FIGNL2: variants seen among roughly 807,000 people sequenced by gnomAD.
The protein encoded by FIGNL2 is fidgetin like 2.
For synonymous variants in FIGNL2, 565 were observed against 484.0 expected (o/e 1.17, Z -2.20); for missense variants, 1,060 against 950.2 (o/e 1.12, Z -1.52).
In FIGNL2 at chr12:51,820,940, C is replaced by T; in HGVS notation, c.1474G>A (p.Glu492Lys). 7.7e-7 allele frequency: 1 copy of T among 1,305,682 alleles called. No homozygotes were observed. The highest frequency in any genetic ancestry group is 9.7e-7 in the Non-Finnish European group (1 of 1,035,326). 80.9% of individuals were successfully genotyped at this position (1,305,682 alleles called of 1,614,324 possible). A position where few individuals can be genotyped will look rare whatever the true frequency, so the allele number is the denominator to read the frequency against. The change falls in exon 2 of 2, where the codon GAG (glutamate) becomes AAG (lysine). Residue 492 changes from glutamate (E) to lysine (K), a missense_variant. Glu to Lys is a moderately conservative substitution (Grantham distance 56). Transcript: ENST00000618634. ...CRPPSVLLIS[E>K]LEALLPARDD... ...CGGGCGGGGAGCAGCGCCTCTAGCT[C>T]GCTGATGAGGAGTACGGAGGGTGGG...
Position 51,842,258 on chromosome 12 carries a change from G to A in FIGNL2, c.-12+6282C>T, listed in dbSNP as rs141388893. ...GTGTGGAAGACGATGGTAAAAGAAT[G>A]GCCAGCCCATGCCGGACACAGTGTG... On this transcript the variant is annotated intron_variant, in intron 1 of 1. Coordinates refer to ENST00000618634, the MANE Select transcript of FIGNL2 (RefSeq NM_001384995.1). Among the ~76,000 whole-genome samples, 235 of 152,326 alleles carry A rather than the reference G, an allele frequency of 1.5e-3. 2 individuals are homozygous for A. The highest frequency in any genetic ancestry group is 5.6e-3 in the African/African-American group (233 of 41,570).
intron 1 of FIGNL2, among the ~76,000 whole-genome samples, chr12:51,826,474 A>C (rs1252515939): frequency 2.1e-5 from 1 of 47,238 alleles, no homozygotes; most frequent in Non-Finnish European, 5.9e-5. Context: ...CTAAAAATAC[A>C]AAAAAAAAAA....
At chr12:51,838,079 G>A (rs752131512) in intron 1 of FIGNL2, 2 of 152,434 alleles carry the variant, frequency 1.3e-5, no homozygotes, top group Non-Finnish European at 2.9e-5. Flanking sequence ...TGTTCATGGA[G>A]GCCGGGGAAA....
chr12:51,846,735 G>A (rs570014970), intron 1 of FIGNL2, among the ~76,000 whole-genome samples: 2 of 151,950 alleles, frequency 1.3e-5, no homozygotes, highest in East Asian at 1.9e-4. Context: ...CGGGGGTGGG[G>A]GCAACAGGAA....
At chr12:51,845,522 T>G in intron 1 of FIGNL2, 1 of 985,322 alleles carries the variant, frequency 1.0e-6, no homozygotes, top group East Asian at 1.1e-4. Flanking sequence ...ACAGGGGCAC[T>G]GGGGCCTGGA....
intron 1 of FIGNL2, among the ~76,000 whole-genome samples, chr12:51,838,507 C>A (rs2138997411): frequency 6.6e-6 from 1 of 152,300 alleles, no homozygotes; most frequent in Non-Finnish European, 1.5e-5. Context: ...CTCTAGCCAG[C>A]CCTTCCCCCT....
Position 51,848,556 on chromosome 12 carries a change from G to A in FIGNL2, c.-28C>T, listed in dbSNP as rs1440644037. ...GCCCCGTACCTCGGCATCACGGCCG[G>A]GTCCTAGGTGAGTGTGCGCGGCCTG... On this transcript the variant is annotated 5_prime_UTR_variant, in exon 1 of 2. Transcript: ENST00000618634. 1 of 983,562 alleles carries A rather than the reference G, an allele frequency of 1.0e-6. No individual in the cohort carries two copies. The highest frequency in any genetic ancestry group is 1.8e-5 in the African/African-American group (1 of 56,834). The allele number at this position is 983,562 out of a possible 1,614,324, so 60.9% of individuals were successfully genotyped here. A position where few individuals can be genotyped will look rare whatever the true frequency, so the allele number is the denominator to read the frequency against.
intron 1 of FIGNL2, chr12:51,828,568 G>A (rs1195709995): frequency 1.3e-5 from 2 of 152,228 alleles, no homozygotes; most frequent in Admixed American, 1.3e-4. Flanking sequence ...CAAGGTTCAT[G>A]AGAGATGATT....
intron 1 of FIGNL2, among the ~76,000 whole-genome samples, chr12:51,839,065 C>T (rs1939621130): frequency 6.6e-6 from 1 of 151,308 alleles, no homozygotes; most frequent in African/African-American, 2.4e-5. Flanking sequence ...CTCCCATGAC[C>T]CCCCCAGCCC....
chr12:51,823,761 ATTCT>A (rs1411225828), intron 1 of FIGNL2, among the ~76,000 whole-genome samples: 3 of 152,258 alleles, frequency 2.0e-5, no homozygotes, highest in Admixed American at 2.0e-4. Flanking sequence ...TAGGTTCAGT[ATTCT>A]TTCTTCAACG....
intron 1 of FIGNL2, chr12:51,841,990 C>G (rs942879315): frequency 6.6e-6 from 1 of 152,254 alleles, no homozygotes; most frequent in East Asian, 1.9e-4. Context: ...AGTGGAGGCA[C>G]TCGGCACCAG....
chr12:51,844,181 G>A (rs1338042353), intron 1 of FIGNL2, among the ~76,000 whole-genome samples: 1 of 152,096 alleles, frequency 6.6e-6, no homozygotes, highest in Non-Finnish European at 1.5e-5. Flanking sequence ...TCACTTGTCC[G>A]GAGTTACATC....
chr12:51,847,717 G>C, intron 1 of FIGNL2: 1 of 985,428 alleles, frequency 1.0e-6, no homozygotes, highest in Non-Finnish European at 1.2e-6. Flanking sequence ...AGCATTTGCT[G>C]ATCACCTACA....
At chr12:51,822,759 TC>T (rs1939252406) in intron 1 of FIGNL2, among the ~76,000 whole-genome samples, 1 of 152,214 alleles carries the variant, frequency 6.6e-6, no homozygotes, top group South Asian at 2.1e-4. Flanking sequence ...ATCCTTACTT[TC>T]TATGAAGGAT....
chr12:51,845,684 C>G (rs1238637024), intron 1 of FIGNL2: 1 of 985,218 alleles, frequency 1.0e-6, no homozygotes, highest in Non-Finnish European at 1.2e-6. Context: ...TGAGGGAGAC[C>G]AGCCTGTCTC....
chr12:51,822,403 G>A lies in FIGNL2; in HGVS notation c.11C>T (p.Thr4Ile). Residue 4 changes from threonine to isoleucine, a missense_variant, in exon 2 of 2, where the codon ACA (threonine) becomes ATA (isoleucine). By Grantham distance (89) the Thr-to-Ile change is moderately conservative. Transcript: ENST00000618634. Reference sequence around the variant, plus strand: ...GTTGAGGGGCTGGGCGTGTTCTGGTGTCCAGTGCATCTTCAACAGAGCTGC... The same window carrying A: ...GTTGAGGGGCTGGGCGTGTTCTGGTATCCAGTGCATCTTCAACAGAGCTGC... MHW[T>I]PEHAQPLNQW... 1 of 1,613,626 alleles carries A rather than the reference G, an allele frequency of 6.2e-7. No homozygotes were observed. Among genetic ancestry groups the A allele is most frequent in the Middle Eastern group, 1.7e-4 (1 of 6,054 alleles).
At chr12:51,822,502 C>T in intron 1 of FIGNL2, 78 bp from the exon 2 acceptor site, 1 of 1,540,470 alleles carries the variant, frequency 6.5e-7, no homozygotes, top group Non-Finnish European at 8.8e-7. Flanking sequence ...ATAGGCCAGT[C>T]CGCCTAGACT....
chr12:51,828,141 C>T (rs138100030), intron 1 of FIGNL2: 154 of 152,404 alleles, frequency 1.0e-3, no homozygotes, highest in African/African-American at 3.6e-3. Flanking sequence ...TGTATTTACC[C>T]TTCAGAGCAG....
At chr12:51,836,991 C>G (rs2138995686) in intron 1 of FIGNL2, among the ~76,000 whole-genome samples, 1 of 152,276 alleles carries the variant, frequency 6.6e-6, no homozygotes, top group East Asian at 1.9e-4. Context: ...AGGAGTAAGT[C>G]CCACTGTCCG....
Sources: gnomAD v4.1 joint callset for allele counts (sites outside exome capture counted in the v4.1 genomes callset) on GRCh38, gnomAD v4.1.1 for gene constraint, MANE v1.5 for transcripts, NCBI Gene and HGNC (gene_info 2026-07-23, HGNC 2026-07-21) for gene names.